Variants in KPNA3 observed in about 807,000 individuals in gnomAD.
KPNA3 encodes the protein karyopherin subunit alpha 3, also known as importin subunit alpha-4.
Under a neutral mutation model 73.8 loss-of-function variants are expected in KPNA3, and 13 were observed. That is an observed-to-expected ratio of 0.18 (90% CI 0.11 to 0.28). KPNA3 has a LOEUF of 0.28. Among genes scored for constraint, KPNA3 ranks in the 10% least tolerant of loss-of-function variants. The pLI, the probability that KPNA3 is intolerant of heterozygous loss-of-function variation, is 1.00. For missense variants in KPNA3, 360 were observed against 618.1 expected (o/e 0.58, Z 4.43); for synonymous variants, 186 against 206.9 (o/e 0.90, Z 0.87).
chr13:49,702,726 T>TA (rs1042606890), intron 15 of KPNA3, among the ~76,000 whole-genome samples: 15 of 152,026 alleles, frequency 9.9e-5, no homozygotes, highest in African/African-American at 3.6e-4. Flanking sequence ...GCAGACAGTC[T>TA]AAAAAAACAC....
In KPNA3 at chr13:49,792,492, G is replaced by T. The variant is rs1340979386; in HGVS notation, c.15C>A (p.Pro5=). MAEN[P]SLENHRIKSF... is the part of the protein sequence containing the mutation. ...TCTTGATGCGGTGGTTCTCCAAGCTGGGGTTCTCGGCCATGGCTGCGCGCG... is the reference window on the plus strand; with the variant it reads ...TCTTGATGCGGTGGTTCTCCAAGCTTGGGTTCTCGGCCATGGCTGCGCGCG... The change falls in exon 1 of 17, where the codon CCC becomes CCA. Residue 5 remains proline (P), a synonymous_variant. Transcript: ENST00000261667. 2 of 1,579,480 alleles carry T rather than the reference G, an allele frequency of 1.3e-6. No individual in the cohort carries two copies. The highest frequency in any genetic ancestry group is 3.5e-5 in the Admixed American group (2 of 56,884).
intron 1 of KPNA3, among the ~76,000 whole-genome samples, chr13:49,788,310 G>A (rs1041674685): frequency 7.2e-5 from 11 of 152,146 alleles, no homozygotes; most frequent in Admixed American, 6.5e-4. Flanking sequence ...CATTTGTTTT[G>A]TAATTATTCA....
At chr13:49,721,246 T>C (rs114823180) in intron 9 of KPNA3, among the ~76,000 whole-genome samples, 2,598 of 152,044 alleles carry the variant, frequency 0.017, 61 homozygotes, top group African/African-American at 0.059. Flanking sequence ...AAAAAATCAA[T>C]TGGACTTAAA....
chr13:49,718,105 T>C (rs1212530823), intron 10 of KPNA3, among the ~76,000 whole-genome samples: 4 of 152,198 alleles, frequency 2.6e-5, no homozygotes, highest in Non-Finnish European at 4.4e-5. Context: ...ATTCATTGCA[T>C]GACCTTAGAA....
chr13:49,729,712 G>A (rs1040582374), intron 6 of KPNA3, among the ~76,000 whole-genome samples: 4 of 152,244 alleles, frequency 2.6e-5, no homozygotes, highest in South Asian at 4.1e-4. Context: ...CCCAGGAAGC[G>A]GAGCTTGCAG....
At chr13:49,731,380 C>T (rs922465935) in intron 6 of KPNA3, among the ~76,000 whole-genome samples, 46 of 151,496 alleles carry the variant, frequency 3.0e-4, no homozygotes, top group African/African-American at 9.4e-4. Context: ...TGAGCCACTG[C>T]GTCCAGCCAG....
intron 14 of KPNA3, among the ~76,000 whole-genome samples, 157 bp from the exon 15 acceptor site, chr13:49,705,940 C>G (rs1954203715): frequency 6.6e-6 from 1 of 152,134 alleles, no homozygotes; most frequent in Non-Finnish European, 1.5e-5. Context: ...AGCAACTGCA[C>G]TCTAGCCTGG....
At chr13:49,786,234 T>A (rs1009633324) in intron 1 of KPNA3, among the ~76,000 whole-genome samples, 1 of 152,210 alleles carries the variant, frequency 6.6e-6, no homozygotes, top group East Asian at 1.9e-4. Context: ...TTTTTTCAGG[T>A]ATATCATCTA....
chr13:49,762,154 G>T (rs1248243114), intron 1 of KPNA3, among the ~76,000 whole-genome samples: 1 of 150,586 alleles, frequency 6.6e-6, no homozygotes, highest in Non-Finnish European at 1.5e-5. Context: ...GGAGGGAGGT[G>T]GGGGGCAGCC....
chr13:49,720,327 G>C (rs534475918), intron 9 of KPNA3, among the ~76,000 whole-genome samples: 2 of 152,160 alleles, frequency 1.3e-5, no homozygotes, highest in Non-Finnish European at 2.9e-5. Flanking sequence ...ACAAAGCTTT[G>C]CTTGTTAAAT....
intron 6 of KPNA3, among the ~76,000 whole-genome samples, chr13:49,725,997 C>A (rs900044317): frequency 6.6e-6 from 1 of 152,202 alleles, no homozygotes; most frequent in Non-Finnish European, 1.5e-5. Context: ...TATGAACCTG[C>A]TTCTTTATGT....
intron 12 of KPNA3, among the ~76,000 whole-genome samples, chr13:49,707,391 A>AT (rs1954217795): frequency 6.6e-6 from 1 of 152,296 alleles, no homozygotes; most frequent in Admixed American, 6.5e-5. Flanking sequence ...ATTCTTGCAC[A>AT]TTTTTTGTAG....
chr13:49,719,060 T>G (rs1363247734), intron 10 of KPNA3, among the ~76,000 whole-genome samples: 1 of 152,112 alleles, frequency 6.6e-6, no homozygotes, highest in Non-Finnish European at 1.5e-5. Flanking sequence ...CCGAAATTTA[T>G]CCACTGTTTT....
chr13:49,712,641 T>C (rs1302527786), intron 10 of KPNA3, among the ~76,000 whole-genome samples: 2 of 151,560 alleles, frequency 1.3e-5, no homozygotes, highest in Non-Finnish European at 2.9e-5. Flanking sequence ...TTTGGCAAAA[T>C]AGATAAGTCT....
At chr13:49,705,344 G>A (rs1020859113) in intron 15 of KPNA3, among the ~76,000 whole-genome samples, 2 of 140,660 alleles carry the variant, frequency 1.4e-5, no homozygotes, top group African/African-American at 5.2e-5. Context: ...GGGCGACAGA[G>A]CAAGATTCTG....
intron 3 of KPNA3, 43 bp from the exon 4 acceptor site, chr13:49,732,819 A>C (rs747188987): frequency 6.8e-7 from 1 of 1,465,190 alleles, no homozygotes; most frequent in Non-Finnish European, 9.4e-7. Flanking sequence ...TTTATTAACA[A>C]AATTACATTC....
At chr13:49,770,007 G>A (rs1306321919) in intron 1 of KPNA3, among the ~76,000 whole-genome samples, 1 of 151,978 alleles carries the variant, frequency 6.6e-6, no homozygotes, top group Non-Finnish European at 1.5e-5. Context: ...ATCTTTTCAT[G>A]TGTTTGTTGG....
At chr13:49,766,341 T>C (rs1489745200) in intron 1 of KPNA3, among the ~76,000 whole-genome samples, 9 of 152,236 alleles carry the variant, frequency 5.9e-5, no homozygotes, top group Non-Finnish European at 1.0e-4. Context: ...TTAAAATGAT[T>C]CAATCATCTT....
intron 1 of KPNA3, among the ~76,000 whole-genome samples, chr13:49,767,156 C>A (rs1327586891): frequency 1.3e-5 from 2 of 151,950 alleles, no homozygotes; most frequent in Non-Finnish European, 2.9e-5. Flanking sequence ...GTGGCTCACG[C>A]CTGTAATCCC....
Sources: gnomAD v4.1 joint callset for allele counts (sites outside exome capture counted in the v4.1 genomes callset) on GRCh38, gnomAD v4.1.1 for gene constraint, MANE v1.5 for transcripts, NCBI Gene and HGNC (gene_info 2026-07-23, HGNC 2026-07-21) for gene names.